The following CCDC40 variants were observed in gnomAD, a reference collection of about 807,000 sequenced individuals.
The protein encoded by CCDC40 is coiled-coil domain 40 molecular ruler complex subunit.
In CCDC40, 104 loss-of-function variants were observed where a neutral mutation model predicts 124.5. The ratio of observed to expected loss-of-function variants is 0.84; its 90% confidence interval spans 0.71 to 0.98. The LOEUF (loss-of-function observed/expected upper bound fraction) is 0.98. Ranked by LOEUF, CCDC40 falls within the 50% of genes least tolerant of loss-of-function variation. The probability of loss-of-function intolerance (pLI) is 0.00; values close to 1 mark genes in which losing one functional copy is unlikely to be tolerated. For synonymous variants in CCDC40, 580 were observed against 602.9 expected (o/e 0.96, Z 0.56); for missense variants, 1,463 against 1,503.9 (o/e 0.97, Z 0.45).
At chr17:80,094,688 C>T (rs577598697) in intron 17 of CCDC40, among the ~76,000 whole-genome samples, 2 of 152,150 alleles carry the variant, frequency 1.3e-5, no homozygotes, top group South Asian at 2.1e-4. Context: ...AGCAAGACTC[C>T]GTCTCAAAAA....
intron 10 of CCDC40, among the ~76,000 whole-genome samples, chr17:80,079,801 C>T (rs572256294): frequency 1.6e-4 from 24 of 147,416 alleles, no homozygotes; most frequent in African/African-American, 6.0e-4. Context: ...CATGGTGGCA[C>T]ACGCCTGTGG....
rs1419252985 is a variant in CCDC40 at position 80,036,674 on chromosome 17, G to A, written c.12G>A (p.Pro4=). ...CCTAGCAACGGGAAATGGCGGAACC[G>A]GGCGGCGCGGCGGGCCGGTAAGCCG... MAE[P]GGAAGRSHPE... Residue 4 remains proline (P), a synonymous_variant, in exon 1 of 20, where the codon CCG becomes CCA. Transcript: ENST00000397545. The A allele has an allele frequency of 2.1e-6, 3 of 1,463,258 alleles. No individual in the cohort carries two copies. Among genetic ancestry groups the A allele is most frequent in the South Asian group, 1.3e-5 (1 of 75,042 alleles). 90.6% of individuals were successfully genotyped at this position (1,463,258 alleles called of 1,614,324 possible). A position where few individuals can be genotyped will look rare whatever the true frequency, so the allele number is the denominator to read the frequency against.
intron 12 of CCDC40, among the ~76,000 whole-genome samples, chr17:80,084,218 A>C (rs1568709039): frequency 1.3e-5 from 2 of 152,232 alleles, no homozygotes; most frequent in Non-Finnish European, 2.9e-5. Flanking sequence ...TAATTGACTG[A>C]CAGTTCTGCA....
intron 9 of CCDC40, among the ~76,000 whole-genome samples, chr17:80,063,601 G>T (rs776371895): frequency 6.6e-6 from 1 of 152,174 alleles, no homozygotes; most frequent in Non-Finnish European, 1.5e-5. Flanking sequence ...CCTCCTTAGT[G>T]AATAACTTAC....
intron 7 of CCDC40, chr17:80,051,326 G>A (rs969558567): frequency 1.4e-4 from 136 of 980,650 alleles, no homozygotes; most frequent in Middle Eastern, 5.3e-4. Context: ...GGGTAAGTGG[G>A]CACTTATCAA....
chr17:80,065,896 G>A (rs866465715), intron 10 of CCDC40, among the ~76,000 whole-genome samples: 1 of 152,214 alleles, frequency 6.6e-6, no homozygotes, highest in African/African-American at 2.4e-5. Flanking sequence ...CTATCTTTGG[G>A]AGGTAAAGGT....
At chr17:80,095,225 GCCTGCC>G in intron 17 of CCDC40, 32 bp from the exon 18 acceptor site, 1 of 1,603,858 alleles carries the variant, frequency 6.2e-7, no homozygotes, top group Non-Finnish European at 8.5e-7. Context: ...TGCAGCTCAG[GCCTGCC>G]CCAGCCCCAG....
chr17:80,055,420 A>G (rs959525287), intron 7 of CCDC40, among the ~76,000 whole-genome samples: 2 of 152,244 alleles, frequency 1.3e-5, no homozygotes, highest in African/African-American at 4.8e-5. Context: ...AAAAAAGCTC[A>G]TTCATAATAG....
In CCDC40 at chr17:80,051,068, C is replaced by T. The variant is rs148820512; in HGVS notation, c.1159+785C>T. Reference sequence around the variant, plus strand: ...TGCAACATTACCGATAAAGCAACGTCCTTGCACAGAGCTGGTCATGTAGGT... The same window carrying T: ...TGCAACATTACCGATAAAGCAACGTTCTTGCACAGAGCTGGTCATGTAGGT... On this transcript the variant is annotated intron_variant, in intron 7 of 19. Coordinates refer to ENST00000397545, the MANE Select transcript of CCDC40 (RefSeq NM_017950.4). Among the ~76,000 whole-genome samples, 254 of 152,326 alleles carry T rather than the reference C, an allele frequency of 1.7e-3. 1 individual carries two copies. Among genetic ancestry groups the T allele is most frequent in the Middle Eastern group, 0.014 (4 of 294 alleles).
At chr17:80,083,317 G>A (rs979739521) in intron 12 of CCDC40, among the ~76,000 whole-genome samples, 6 of 152,168 alleles carry the variant, frequency 3.9e-5, no homozygotes, top group Non-Finnish European at 5.9e-5. Context: ...TCCAGATGCC[G>A]GAAGCTTCCA....
At chr17:80,045,150 G>A (rs899706545) in intron 3 of CCDC40, among the ~76,000 whole-genome samples, 1 of 152,234 alleles carries the variant, frequency 6.6e-6, no homozygotes, top group African/African-American at 2.4e-5. Context: ...TGGAGACAGA[G>A]ACAGCCGGCG....
At position 80,050,256 on chromosome 17, in the gene CCDC40, G is replaced by C. The variant is rs116795025; in HGVS notation, c.1132G>C (p.Ala378Pro). 6.3e-7 allele frequency: 1 copy of C among 1,582,168 alleles called. No homozygotes were observed. The highest frequency in any genetic ancestry group is 1.3e-5 in the African/African-American group (1 of 74,128). The change falls in exon 7 of 20, where the codon GCA becomes CCA. Residue 378 changes from alanine (A) to proline (P), a missense_variant. Physicochemically the swap from Ala to Pro is conservative, Grantham distance 27. Coordinates refer to ENST00000397545, the MANE Select transcript of CCDC40 (RefSeq NM_017950.4). ...AARALYTKTCAAANEERKKLA... is the reference protein window; with the variant it reads ...AARALYTKTCPAANEERKKLA... Reference sequence around the variant, plus strand: ...CCGCGCTCTCTACACCAAGACCTGCGCAGCCGCCAACGAGGAGCGCAAAAA... The same window carrying C: ...CCGCGCTCTCTACACCAAGACCTGCCCAGCCGCCAACGAGGAGCGCAAAAA...
At position 80,087,231 on chromosome 17, in the gene CCDC40, C is replaced by T; in HGVS notation, c.2450-376C>T. 1 of 348,468 alleles carries T rather than the reference C, an allele frequency of 2.9e-6. No homozygotes were observed. The allele number at this position is 348,468 out of a possible 1,614,324, so 21.6% of individuals were successfully genotyped here. On this transcript the variant is annotated intron_variant, in intron 14 of 19. Transcript: ENST00000397545. This position sits in a 1 kb window ranked among gnomAD's most constrained non-coding sequence, Gnocchi z 4.5. ...GCAGGGGTCTAAGGGCCTCCCTCTC[C>T]TGGAGACTCACAGTGTCTGAGCATC...
intron 13 of CCDC40, among the ~76,000 whole-genome samples, chr17:80,085,263 C>T (rs893951856): frequency 1.3e-5 from 2 of 152,234 alleles, no homozygotes; most frequent in Non-Finnish European, 2.9e-5. Context: ...ATAGGTAAAA[C>T]GTAAAGGAAT....
chr17:80,046,808 C>G (rs1349871510), intron 3 of CCDC40, among the ~76,000 whole-genome samples: 1 of 152,112 alleles, frequency 6.6e-6, no homozygotes, highest in Non-Finnish European at 1.5e-5. Flanking sequence ...AAGAAAATGT[C>G]TTCCCTTCAT....
chr17:80,062,851 A>G (rs965252482), intron 9 of CCDC40, among the ~76,000 whole-genome samples: 1 of 152,082 alleles, frequency 6.6e-6, no homozygotes, highest in Non-Finnish European at 1.5e-5. Flanking sequence ...TCAGCCTCCC[A>G]AAGTGCTGGG....
At position 80,086,141 on chromosome 17, in the gene CCDC40, G is replaced by C. The variant is rs750185131; in HGVS notation, c.2374G>C (p.Glu792Gln). Residue 792 changes from glutamate to glutamine, a missense_variant, in exon 14 of 20, where the codon GAG (glutamate) becomes CAG (glutamine). Coordinates refer to ENST00000397545, the MANE Select transcript of CCDC40 (RefSeq NM_017950.4). This position sits in a 1 kb window ranked among gnomAD's most constrained non-coding sequence, Gnocchi z 5.5. ...GATGGTCAAGGTGACACAGGAGCAG[G>C]AGGAGCAGCTGGCCTCCCTGGACGC... ...QEMVKVTQEQ[E>Q]EQLASLDASK... 15 of 1,613,952 alleles carry C rather than the reference G, an allele frequency of 9.3e-6. No individual in the cohort carries two copies. In the African/African-American group the frequency reaches 2.0e-4, roughly 22 times the overall value.
chr17:80,095,219 GCTCAGGCCTGCCCCAGCCCCAGCCC>G lies in CCDC40; in HGVS notation c.2833-40_2833-16del. On this transcript the variant is annotated intron_variant, in intron 17 of 19. Transcript: ENST00000397545. ...CCCGGCCACTCTCTCTGCAGCTGCA[GCTCAGGCCTGCCCCAGCCCCAGCCC>G]CTCTGTCCTGTCTCCCAGGTCAGGC... 6.3e-7 allele frequency: 1 copy of G among 1,596,152 alleles called. No individual in the cohort carries two copies. The highest frequency in any genetic ancestry group is 8.6e-7 in the Non-Finnish European group (1 of 1,165,046).
intron 2 of CCDC40, 85 bp downstream of exon 2, chr17:80,038,271 C>A: frequency 1.1e-6 from 1 of 938,282 alleles, no homozygotes; most frequent in Non-Finnish European, 1.7e-6. Flanking sequence ...TGGCTCACGC[C>A]TGTAATCCCA....
Sources: gnomAD v4.1 joint callset for allele counts (sites outside exome capture counted in the v4.1 genomes callset) on GRCh38, gnomAD v4.1.1 for gene constraint, Gnocchi (gnomAD v3.1) non-coding constraint, MANE v1.5 for transcripts, NCBI Gene and HGNC (gene_info 2026-07-23, HGNC 2026-07-21) for gene names.